The following DNM1L variants were observed in gnomAD, a reference collection of about 807,000 sequenced individuals.
The protein encoded by DNM1L is dynamin 1L.
A neutral mutation model predicts 92.8 loss-of-function variants in DNM1L; 33 were observed. The observed-to-expected ratio is 0.36, with a 90% CI of 0.27 to 0.48. The LOEUF (loss-of-function observed/expected upper bound fraction) is 0.48. DNM1L is among the 20% of genes least tolerant of loss of function. The pLI is 0.99. For synonymous variants in DNM1L, 284 were observed against 305.0 expected, an observed-to-expected ratio of 0.93 and a Z score of 0.72; for missense variants, 485 against 888.8, an observed-to-expected ratio of 0.55 and a Z score of 5.78.
chr12:32,741,520 G>A (rs1955290672), intron 18 of DNM1L, among the ~76,000 whole-genome samples: 1 of 152,154 alleles, frequency 6.6e-6, no homozygotes. Context: ...CCTGACGTCA[G>A]GTGATCTACC....
intron 9 of DNM1L, 164 bp downstream of exon 9, chr12:32,722,797 T>C: frequency 3.6e-6 from 2 of 549,062 alleles, no homozygotes; most frequent in Non-Finnish European, 6.3e-6. Context: ...TGTGTGAAAA[T>C]ATGCTTTGTA....
chr12:32,727,668 G>T, intron 9 of DNM1L: 2 of 259,408 alleles, frequency 7.7e-6, no homozygotes, highest in East Asian at 8.0e-5. Context: ...TACCTATCTT[G>T]GAATCATTTC....
chr12:32,736,986 C>T (rs1391813160), intron 13 of DNM1L, 119 bp from the exon 14 acceptor site: 2 of 912,922 alleles, frequency 2.2e-6, no homozygotes, highest in East Asian at 2.6e-5. Flanking sequence ...GCATGAGTCC[C>T]AACAGTGAGA....
In DNM1L at chr12:32,701,709, T is replaced by TA. The variant is rs11427372; in HGVS notation, c.250+155dup. On this transcript the variant is annotated intron_variant, in intron 2 of 19. Coordinates refer to ENST00000549701, the MANE Select transcript of DNM1L (RefSeq NM_012062.5). ...GAAGTAGTATGCATCTTTCTTAATG[T>TA]AAAAAAAAGAGTAGTTTTTGTTTTG... The TA allele has an allele frequency of 0.12, 92,463 of 753,050 alleles. 6,078 individuals carry two copies. The highest frequency in any genetic ancestry group is 0.2 in the African/African-American group (11,125 of 55,894). 46.6% of individuals were successfully genotyped at this position (753,050 alleles called of 1,614,324 possible). A position where few individuals can be genotyped will look rare whatever the true frequency, so the allele number is the denominator to read the frequency against.
At chr12:32,733,048 C>T (rs957493975) in intron 12 of DNM1L, among the ~76,000 whole-genome samples, 31 of 152,164 alleles carry the variant, frequency 2.0e-4, no homozygotes, top group African/African-American at 6.8e-4. Context: ...TGCGGTGAGC[C>T]GAGATCGCGC....
intron 9 of DNM1L, among the ~76,000 whole-genome samples, chr12:32,724,867 A>G (rs1954030346): frequency 6.6e-6 from 1 of 151,580 alleles, no homozygotes; most frequent in Non-Finnish European, 1.5e-5. Context: ...TTAACTGAAT[A>G]TGCCTTAACA....
chr12:32,740,156 G>A lies in DNM1L; in HGVS notation c.1800G>A (p.Glu600=), dbSNP rs775047420. The A allele has an allele frequency of 1.2e-6, 2 of 1,614,140 alleles. No homozygotes were observed. The highest frequency in any genetic ancestry group is 2.2e-5 in the East Asian group (1 of 44,884). Residue 600 remains glutamate, a synonymous_variant, in exon 17 of 20, where the codon GAG becomes GAA. Transcript: ENST00000549701. ...RGMLKTSKAE[E]LLAEEKSKPI... ...TGCTGAAAACTTCAAAAGCTGAAGA[G>A]TTATTAGCAGAAGAAAAATCAAAAC... is the stretch of plus-strand genomic sequence containing the variant.
chr12:32,717,998 TATATA>T (rs1953603213), intron 6 of DNM1L, among the ~76,000 whole-genome samples: 1 of 118,232 alleles, frequency 8.5e-6, no homozygotes, highest in Non-Finnish European at 1.6e-5. Context: ...ATGTATAGTA[TATATA>T]ATATATATAG....
At chr12:32,723,468 G>A (rs1274678158) in intron 9 of DNM1L, among the ~76,000 whole-genome samples, 1 of 151,858 alleles carries the variant, frequency 6.6e-6, no homozygotes, top group Non-Finnish European at 1.5e-5. Flanking sequence ...AGGCTGAGGC[G>A]GGTGAATCAC....
chr12:32,693,311 G>A (rs1952301388), intron 1 of DNM1L, among the ~76,000 whole-genome samples: 1 of 152,106 alleles, frequency 6.6e-6, no homozygotes, highest in Non-Finnish European at 1.5e-5. Context: ...TGATATCTCT[G>A]CACATTATTT....
At chr12:32,716,741 AG>A (rs1194994811) in intron 6 of DNM1L, among the ~76,000 whole-genome samples, 2 of 119,796 alleles carry the variant, frequency 1.7e-5, no homozygotes, top group Non-Finnish European at 3.5e-5. Flanking sequence ...CACTATATAT[AG>A]TATATATATA....
At chr12:32,707,523 ATAAC>A (rs1420783412) in intron 3 of DNM1L, 110 bp downstream of exon 3, 7 of 712,186 alleles carry the variant, frequency 9.8e-6, no homozygotes, top group Non-Finnish European at 1.3e-5. Flanking sequence ...TAAAGTAACT[ATAAC>A]TATTCCTTAT....
Position 32,720,687 on chromosome 12 carries a change from A to G in DNM1L, c.764A>G (p.Lys255Arg). ...VNRSQLDINNKKSVTDSIRDE... is the reference protein window; with the variant it reads ...VNRSQLDINNRKSVTDSIRDE... ...AGGAGCCAGCTAGATATTAACAACA[A>G]GAAGAGTGTAACTGATTCAATCCGT... The change falls in exon 8 of 20, where the codon AAG (lysine) becomes AGG (arginine). Residue 255 changes from lysine to arginine, a missense_variant. Lys to Arg is a conservative substitution (Grantham distance 26). This residue lies in a region of DNM1L where 159 missense variants were observed against 275.9 expected (regional missense o/e 0.58). Transcript: ENST00000549701. 1 of 1,613,948 alleles carries G rather than the reference A, an allele frequency of 6.2e-7. No homozygotes were observed. The highest frequency in any genetic ancestry group is 8.5e-7 in the Non-Finnish European group (1 of 1,179,898).
intron 1 of DNM1L, among the ~76,000 whole-genome samples, chr12:32,694,675 T>A (rs11052179): frequency 0.067 from 10,210 of 152,156 alleles, 349 homozygotes; most frequent in African/African-American, 0.091. Context: ...ACAAATAGGA[T>A]AGGAAAACCA....
chr12:32,730,399 A>G (rs773772324), intron 9 of DNM1L, among the ~76,000 whole-genome samples: 3 of 151,274 alleles, frequency 2.0e-5, no homozygotes, highest in Non-Finnish European at 4.4e-5. Flanking sequence ...GAGAGATTTA[A>G]TTTGTCTAAA....
intron 6 of DNM1L, among the ~76,000 whole-genome samples, chr12:32,717,496 T>C (rs1227919993): frequency 1.2e-4 from 14 of 114,576 alleles, no homozygotes; most frequent in Non-Finnish European, 2.4e-4. Flanking sequence ...ATATATAGTA[T>C]ATATATATAT....
intron 5 of DNM1L, 96 bp downstream of exon 5, chr12:32,711,111 C>G: frequency 2.8e-6 from 3 of 1,059,958 alleles, no homozygotes; most frequent in Non-Finnish European, 4.4e-6. Context: ...TCACTTTGAT[C>G]TGTTAGCAGC....
At chr12:32,690,365 C>A (rs1031680861) in intron 1 of DNM1L, among the ~76,000 whole-genome samples, 2 of 152,118 alleles carry the variant, frequency 1.3e-5, no homozygotes, top group African/African-American at 4.8e-5. Context: ...AATCTGATAA[C>A]CCTTAACCCA....
chr12:32,684,474 ATTCT>A (rs1465738567), intron 1 of DNM1L, among the ~76,000 whole-genome samples: 2 of 142,052 alleles, frequency 1.4e-5, no homozygotes, highest in African/African-American at 5.4e-5. Flanking sequence ...GCTCAACATA[ATTCT>A]TTTTTTTTTT....
Sources: allele counts gnomAD v4.1 joint callset (sites outside exome capture counted in the v4.1 genomes callset), GRCh38; gene constraint gnomAD v4.1.1; regional missense constraint gnomAD v4.1.1; transcripts MANE v1.5; gene names NCBI Gene and HGNC (gene_info 2026-07-23, HGNC 2026-07-21).